The following HEMK2 variants were observed in gnomAD, a reference collection of about 807,000 sequenced individuals.
HEMK2 encodes the protein HemK methyltransferase 2, ETF1 glutamine and histone H4 lysine.
At chr21:28,806,283 C>T in the HEMK2 span, among the ~76,000 whole-genome samples, 2 of 152,098 alleles carry the variant, frequency 1.3e-5, no homozygotes, top group Non-Finnish European at 2.9e-5. Flanking sequence ...AATAAATCTA[C>T]AAGGCAATAG....
the HEMK2 span, among the ~76,000 whole-genome samples, chr21:28,682,294 T>G: frequency 4.0e-4 from 61 of 152,180 alleles, no homozygotes; most frequent in African/African-American, 1.4e-3. Flanking sequence ...AAAAGACACA[T>G]GAAAAAATGC....
At chr21:28,862,446 T>C in the HEMK2 span, among the ~76,000 whole-genome samples, 3 of 147,526 alleles carry the variant, frequency 2.0e-5, no homozygotes, top group Admixed American at 6.6e-5. Context: ...AAGACCATCC[T>C]GGCTAACAAG....
chr21:28,582,553 C>T, the HEMK2 span, among the ~76,000 whole-genome samples: 28,303 of 152,048 alleles, frequency 0.19, 3,933 homozygotes, highest in African/African-American at 0.39. Flanking sequence ...TCTGCCAGGG[C>T]TCTCAGTCTT....
the HEMK2 span, among the ~76,000 whole-genome samples, chr21:28,751,997 A>T: frequency 6.6e-6 from 1 of 152,202 alleles, no homozygotes; most frequent in Non-Finnish European, 1.5e-5. Context: ...TGTTTGTTTT[A>T]TAGACAAGAA....
chr21:28,640,723 C>T, the HEMK2 span, among the ~76,000 whole-genome samples: 2 of 152,248 alleles, frequency 1.3e-5, no homozygotes, highest in South Asian at 2.1e-4. Context: ...TAGGACTTGG[C>T]TGATTGATCC....
At chr21:28,586,256 A>G in the HEMK2 span, among the ~76,000 whole-genome samples, 3 of 152,242 alleles carry the variant, frequency 2.0e-5, no homozygotes, top group Non-Finnish European at 4.4e-5. Flanking sequence ...ATTTTCTATC[A>G]CAGTTTTCAA....
the HEMK2 span, among the ~76,000 whole-genome samples, chr21:28,577,912 G>A: frequency 2.0e-5 from 3 of 151,984 alleles, no homozygotes; most frequent in African/African-American, 7.3e-5. Context: ...CATTTATATC[G>A]ATTGTTTTAA....
At chr21:28,724,980 T>C in the HEMK2 span, among the ~76,000 whole-genome samples, 1 of 152,096 alleles carries the variant, frequency 6.6e-6, no homozygotes, top group Admixed American at 6.5e-5. Flanking sequence ...GGCGGAGTTT[T>C]GTCATGTTGG....
the HEMK2 span, among the ~76,000 whole-genome samples, chr21:28,731,851 G>A: frequency 2.0e-5 from 3 of 151,960 alleles, no homozygotes; most frequent in African/African-American, 7.3e-5. Flanking sequence ...CCACCTGCAA[G>A]CTGTCTGGGA....
At chr21:28,785,829 C>G in the HEMK2 span, among the ~76,000 whole-genome samples, 4 of 152,100 alleles carry the variant, frequency 2.6e-5, no homozygotes, top group African/African-American at 4.8e-5. Flanking sequence ...GACCATCTCC[C>G]GTATACACCA....
chr21:28,876,260 C>T, the HEMK2 span: 1 of 576,532 alleles, frequency 1.7e-6, no homozygotes, highest in Non-Finnish European at 3.0e-6. Flanking sequence ...AGGGAATGTT[C>T]CACCTTTCTA....
chr21:28,806,417 G>A, the HEMK2 span, among the ~76,000 whole-genome samples: 2 of 152,038 alleles, frequency 1.3e-5, no homozygotes, highest in Non-Finnish European at 2.9e-5. Flanking sequence ...AACCTGATAC[G>A]GATTAAACTG....
the HEMK2 span, among the ~76,000 whole-genome samples, chr21:28,767,877 G>C: frequency 1.3e-5 from 2 of 151,894 alleles, no homozygotes; most frequent in Non-Finnish European, 2.9e-5. Flanking sequence ...TCTCATGGCT[G>C]GCAAGTCCTG....
chr21:28,782,407 T>C, the HEMK2 span, among the ~76,000 whole-genome samples: 2 of 152,190 alleles, frequency 1.3e-5, no homozygotes, highest in African/African-American at 4.8e-5. Flanking sequence ...CTTAGGTTCC[T>C]CTCCTAGCTA....
chr21:28,840,593 C>A, the HEMK2 span, among the ~76,000 whole-genome samples: 18 of 152,054 alleles, frequency 1.2e-4, no homozygotes, highest in Admixed American at 1.1e-3. Context: ...GGCCAACAAA[C>A]GTGAAAAATG....
the HEMK2 span, among the ~76,000 whole-genome samples, chr21:28,834,613 T>C: frequency 3.9e-5 from 6 of 152,142 alleles, 1 homozygote; most frequent in South Asian, 1.0e-3. Context: ...AGCTGAACTA[T>C]GTAACAATTA....
the HEMK2 span, among the ~76,000 whole-genome samples, chr21:28,698,497 T>A: frequency 1.3e-5 from 2 of 151,626 alleles, no homozygotes; most frequent in African/African-American, 2.4e-5. Flanking sequence ...CTTGGTCCTA[T>A]CCCCCCTCAA....
the HEMK2 span, among the ~76,000 whole-genome samples, chr21:28,630,093 C>A: frequency 6.6e-6 from 1 of 152,144 alleles, no homozygotes; most frequent in African/African-American, 2.4e-5. Context: ...CATCTTAATG[C>A]CACAATGTTA....
chr21:28,675,859 TGTTAGCTCTTCTTAGAAGGGCCTGGA>T, the HEMK2 span, among the ~76,000 whole-genome samples: 1 of 152,200 alleles, frequency 6.6e-6, no homozygotes, highest in South Asian at 2.1e-4. Context: ...GTTGCATCTG[TGTTAGCTCTTCTTAGAAGGGCCTGGA>T]GCTGCTACAG....
Sources: gnomAD v4.1 joint callset for allele counts (sites outside exome capture counted in the v4.1 genomes callset) on GRCh38, gnomAD v4.1.1 for gene constraint, MANE v1.5 for transcripts, NCBI Gene and HGNC (gene_info 2026-07-23, HGNC 2026-07-21) for gene names.